The following PCYT1A variants were observed in gnomAD, a reference collection of about 807,000 sequenced individuals.
PCYT1A encodes the protein phosphate cytidylyltransferase 1A, choline, also known as choline-phosphate cytidylyltransferase A.
Under a neutral mutation model 43.7 loss-of-function variants are expected in PCYT1A, and 25 were observed. That is an observed-to-expected ratio of 0.57 (90% CI 0.42 to 0.80). PCYT1A has a LOEUF of 0.80. Ranked by LOEUF, PCYT1A falls within the 30% of genes least tolerant of loss-of-function variation. The pLI is 0.00. For missense variants in PCYT1A, 421 were observed against 474.2 expected (o/e 0.89, Z 1.04); for synonymous variants, 172 against 170.7 (o/e 1.01, Z -0.06).
At chr3:196,267,385 G>A (rs1274675521) in intron 2 of PCYT1A, 1 of 454,424 alleles carries the variant, frequency 2.2e-6, no homozygotes, top group Non-Finnish European at 4.4e-6. Flanking sequence ...AATGGGGAGT[G>A]ACTGCTAATG....
chr3:196,255,670 G>T (rs1724929913), intron 3 of PCYT1A, among the ~76,000 whole-genome samples: 1 of 152,128 alleles, frequency 6.6e-6, no homozygotes, highest in Non-Finnish European at 1.5e-5. Flanking sequence ...CTCCAGCCTG[G>T]TTGACAAGCG....
intron 5 of PCYT1A, among the ~76,000 whole-genome samples, chr3:196,244,382 CAT>C: frequency 6.6e-6 from 1 of 150,430 alleles, no homozygotes; most frequent in Non-Finnish European, 1.5e-5. Context: ...CCCGGCCGCC[CAT>C]CGTCTGAGAT....
At chr3:196,260,381 G>C (rs192386283) in intron 2 of PCYT1A, among the ~76,000 whole-genome samples, 3 of 152,136 alleles carry the variant, frequency 2.0e-5, no homozygotes, top group African/African-American at 7.2e-5. Flanking sequence ...AAACAGTCTT[G>C]GTAAGGATGT....
chr3:196,266,542 T>A (rs1162889204), intron 2 of PCYT1A, among the ~76,000 whole-genome samples: 1 of 151,886 alleles, frequency 6.6e-6, no homozygotes, highest in Non-Finnish European at 1.5e-5. Context: ...GGAGAATGAA[T>A]AACTAAAAAG....
intron 3 of PCYT1A, among the ~76,000 whole-genome samples, chr3:196,255,390 G>C (rs1560168670): frequency 6.6e-6 from 1 of 152,126 alleles, no homozygotes; most frequent in South Asian, 2.1e-4. Context: ...TTCGCTTCTT[G>C]GTTACTATGG....
At chr3:196,245,173 GCT>G (rs1724523189) in intron 5 of PCYT1A, among the ~76,000 whole-genome samples, 1 of 145,678 alleles carries the variant, frequency 6.9e-6, no homozygotes, top group South Asian at 2.1e-4. Context: ...ACCGAGTCTC[GCT>G]CTGTCGCCCA....
chr3:196,268,976 G>C lies in PCYT1A; in HGVS notation c.117+1439C>G, dbSNP rs1725354955. On this transcript the variant is annotated intron_variant, in intron 2 of 8. Transcript: ENST00000431016. This position sits in a 1 kb window ranked among gnomAD's most constrained non-coding sequence, Gnocchi z 4.4. Reference sequence around the variant, plus strand: ...AGCAGGAGACATGGCAGAAGCAATCGTCAGAGTGATGTGAGCACTGGCTGG... The same window carrying C: ...AGCAGGAGACATGGCAGAAGCAATCCTCAGAGTGATGTGAGCACTGGCTGG... Among the ~76,000 whole-genome samples, 1 of 152,174 alleles carries C rather than the reference G, an allele frequency of 6.6e-6. No homozygotes were observed. The highest frequency in any genetic ancestry group is 1.5e-5 in the Non-Finnish European group (1 of 68,028).
intron 2 of PCYT1A, among the ~76,000 whole-genome samples, chr3:196,266,413 C>CA (rs1725277079): frequency 6.6e-6 from 1 of 151,782 alleles, no homozygotes; most frequent in South Asian, 2.1e-4. Context: ...GCGGAGCTTG[C>CA]AGTGAGCCGA....
chr3:196,247,696 A>C lies in PCYT1A; in HGVS notation c.335-178T>G. ...TAACGCTTTTCCTAATGCAGCGTAT[A>C]CCTTCAGGAGCAACACTCACTAAAC... is the stretch of plus-strand genomic sequence containing the variant. On this transcript the variant is annotated intron_variant, in intron 4 of 8. Transcript: ENST00000431016. The surrounding 1 kb of genome is among the most constrained non-coding windows in gnomAD (Gnocchi z 4.8). 1 of 702,820 alleles carries C rather than the reference A, an allele frequency of 1.4e-6. No homozygotes were observed. Among genetic ancestry groups the C allele is most frequent in the Non-Finnish European group, 2.6e-6 (1 of 385,592 alleles). The allele number at this position is 702,820 out of a possible 1,614,324, so 43.5% of individuals were successfully genotyped here.
rs1176461581 is a variant in PCYT1A, at chr3:196,282,857, G to C, written c.-11+4758C>G. ...GGGTCATATGCTCATTTTCTATAGA[G>C]CAGGGACCATATGTCATTATTTTTG... On this transcript the variant is annotated intron_variant, in intron 1 of 8. Coordinates refer to ENST00000431016, the MANE Select transcript of PCYT1A (RefSeq NM_001312673.2). This position sits in a 1 kb window ranked among gnomAD's most constrained non-coding sequence, Gnocchi z 4.3. Among the ~76,000 whole-genome samples, 1 of 152,112 alleles carries C rather than the reference G, an allele frequency of 6.6e-6. No individual in the cohort carries two copies. Among genetic ancestry groups the C allele is most frequent in the Non-Finnish European group, 1.5e-5 (1 of 68,014 alleles).
At chr3:196,267,281 G>T (rs1323877951) in intron 2 of PCYT1A, 1 of 456,242 alleles carries the variant, frequency 2.2e-6, no homozygotes, top group Non-Finnish European at 4.4e-6. Context: ...ACCACATACC[G>T]TATGATGTCA....
At chr3:196,267,130 G>C (rs1295749412) in intron 2 of PCYT1A, 1 of 238,508 alleles carries the variant, frequency 4.2e-6, no homozygotes, top group Non-Finnish European at 8.4e-6. Flanking sequence ...AGTGAGCCGA[G>C]ATTGCGCCAC....
rs1724207393 is a variant in PCYT1A at position 196,237,651 on chromosome 3, C to T, written c.*1037G>A. On this transcript the variant is annotated 3_prime_UTR_variant, in exon 9 of 9. Coordinates refer to ENST00000431016, the MANE Select transcript of PCYT1A (RefSeq NM_001312673.2). Reference sequence around the variant, plus strand: ...TTTCCTATGCTTTTGCCTTTACATTCTGTGCAAATCTCTCTAATATGGCTA... The same window carrying T: ...TTTCCTATGCTTTTGCCTTTACATTTTGTGCAAATCTCTCTAATATGGCTA... 1 of 152,208 alleles carries T rather than the reference C, an allele frequency of 6.6e-6. No homozygotes were observed. Among genetic ancestry groups the T allele is most frequent in the Admixed American group, 6.5e-5 (1 of 15,286 alleles). 9.4% of individuals were successfully genotyped at this position (152,208 alleles called of 1,614,324 possible). A position where few individuals can be genotyped will look rare whatever the true frequency, so the allele number is the denominator to read the frequency against.
At chr3:196,283,847 C>T (rs1482172126) in intron 1 of PCYT1A, among the ~76,000 whole-genome samples, 1 of 152,164 alleles carries the variant, frequency 6.6e-6, no homozygotes, top group Non-Finnish European at 1.5e-5. Context: ...CCCAAGTCAC[C>T]CCTTTTTCTA....
intron 3 of PCYT1A, among the ~76,000 whole-genome samples, chr3:196,254,003 GTA>G (rs1724878895): frequency 6.7e-6 from 1 of 149,090 alleles, no homozygotes; most frequent in Non-Finnish European, 1.5e-5. Flanking sequence ...TATTACATAT[GTA>G]TATATGTTAT....
chr3:196,255,792 A>T (rs1724933028), intron 3 of PCYT1A, among the ~76,000 whole-genome samples: 1 of 152,262 alleles, frequency 6.6e-6, no homozygotes, highest in South Asian at 2.1e-4. Flanking sequence ...AACAAACTGG[A>T]TAATGCAACC....
intron 3 of PCYT1A, among the ~76,000 whole-genome samples, chr3:196,251,082 G>A (rs1199437979): frequency 3.3e-5 from 5 of 150,980 alleles, no homozygotes; most frequent in African/African-American, 9.8e-5. Flanking sequence ...CTGAGGCTGA[G>A]GACCAGATAC....
Position 196,242,819 on chromosome 3 carries a change from T to A in PCYT1A, c.487-179A>T. The stretch of plus-strand genomic sequence containing the variant: ...ATTCACAAACCACCCAACCTAATGA[T>A]TTATGGAGTATACATATGAAGTTAG... On this transcript the variant is annotated intron_variant, in intron 5 of 8. Coordinates refer to ENST00000431016, the MANE Select transcript of PCYT1A (RefSeq NM_001312673.2). The surrounding 1 kb of genome is among the most constrained non-coding windows in gnomAD (Gnocchi z 4.2). 4.8e-6 allele frequency: 3 copies of A among 620,014 alleles called. No homozygotes were observed. The highest frequency in any genetic ancestry group is 8.8e-6 in the Non-Finnish European group (3 of 341,772). 38.4% of individuals were successfully genotyped at this position (620,014 alleles called of 1,614,324 possible).
At position 196,238,711 on chromosome 3, in the gene PCYT1A, TATC is replaced by T; in HGVS notation, c.1078_1080del (p.Asp360del). 1 of 1,572,662 alleles carries T rather than the reference TATC, an allele frequency of 6.4e-7. No individual in the cohort carries two copies. Among genetic ancestry groups the T allele is most frequent in the Non-Finnish European group, 8.6e-7 (1 of 1,160,782 alleles). ...CATTAGTCTTCTTCATCCTCACTGA[TATC>T]ATAGGCTGCAGCCTTGTGCCTGGAG... On this transcript the variant is annotated inframe_deletion, in exon 9 of 9. Transcript: ENST00000431016.
Sources: allele counts gnomAD v4.1 joint callset (sites outside exome capture counted in the v4.1 genomes callset), GRCh38; gene constraint gnomAD v4.1.1; non-coding constraint Gnocchi (gnomAD v3.1); transcripts MANE v1.5; gene names NCBI Gene and HGNC (gene_info 2026-07-23, HGNC 2026-07-21).